RALGAPB: variants seen among roughly 807,000 people sequenced by gnomAD.
RALGAPB encodes the protein Ral GTPase activating protein non-catalytic subunit beta.
A neutral mutation model predicts 161.1 loss-of-function variants in RALGAPB; 25 were observed. The observed-to-expected ratio is 0.16, with a 90% CI of 0.11 to 0.22. The LOEUF (loss-of-function observed/expected upper bound fraction) is 0.22, where lower values mean the gene tolerates loss of function less well. Ranked by LOEUF, RALGAPB falls within the 10% of genes least tolerant of loss-of-function variation. RALGAPB has a pLI of 1.00. For missense variants in RALGAPB, 1,391 were observed against 1,815.2 expected, an observed-to-expected ratio of 0.77 and a Z score of 4.25; for synonymous variants, 629 against 626.1, an observed-to-expected ratio of 1.00 and a Z score of -0.07.
In RALGAPB at chr20:38,577,201, C is replaced by T. The variant is rs2088469236; in HGVS notation, c.*2234C>T. Reference sequence around the variant, plus strand: ...TTCCTTCTGCTCACAATAACATCTGCCCAAAGAGGGAGTGGGAAGAACGCT... The same window carrying T: ...TTCCTTCTGCTCACAATAACATCTGTCCAAAGAGGGAGTGGGAAGAACGCT... On this transcript the variant is annotated 3_prime_UTR_variant, in exon 30 of 30. Transcript: ENST00000262879. 1 of 152,176 alleles carries T rather than the reference C, an allele frequency of 6.6e-6. No homozygotes were observed. Among genetic ancestry groups the T allele is most frequent in the East Asian group, 1.9e-4 (1 of 5,196 alleles). The allele number at this position is 152,176 out of a possible 1,614,324, so 9.4% of individuals were successfully genotyped here. A position where few individuals can be genotyped will look rare whatever the true frequency, so the allele number is the denominator to read the frequency against.
chr20:38,481,441 C>T (rs2084968798), intron 1 of RALGAPB, among the ~76,000 whole-genome samples: 1 of 152,172 alleles, frequency 6.6e-6, no homozygotes. Context: ...AAGAGCAAGA[C>T]ACATCTTATG....
At chr20:38,565,138 A>G (rs2087946649) in intron 24 of RALGAPB, among the ~76,000 whole-genome samples, 1 of 152,152 alleles carries the variant, frequency 6.6e-6, no homozygotes, top group Non-Finnish European at 1.5e-5. Context: ...AAGTGGTCTG[A>G]TATACAGTCG....
At chr20:38,518,801 ATTGT>A (rs779839404) in intron 9 of RALGAPB, among the ~76,000 whole-genome samples, 29 of 152,250 alleles carry the variant, frequency 1.9e-4, no homozygotes, top group East Asian at 3.9e-4. Flanking sequence ...GAGTGTATTG[ATTGT>A]TTGGTAAGAA....
At position 38,551,282 on chromosome 20, in the gene RALGAPB, C is replaced by T. The variant is rs1601026564; in HGVS notation, c.3162+59C>T. 17 of 1,554,486 alleles carry T rather than the reference C, an allele frequency of 1.1e-5. No homozygotes were observed. In the East Asian group the frequency reaches 3.8e-4, roughly 35 times the overall value. On this transcript the variant is annotated intron_variant, in intron 21 of 29. Transcript: ENST00000262879. ...ATGAATAGAAACATTCTTACGACTT[C>T]CTTGGTCAAGACAATGCTTTTAGTG... is the stretch of plus-strand genomic sequence containing the variant.
At chr20:38,543,863 CT>C (rs2087061502) in intron 18 of RALGAPB, among the ~76,000 whole-genome samples, 1 of 152,176 alleles carries the variant, frequency 6.6e-6, no homozygotes, top group Non-Finnish European at 1.5e-5. Context: ...CTGTCTGACC[CT>C]GCTGCACGGC....
Position 38,567,223 on chromosome 20 carries a change from C to G in RALGAPB, c.3945C>G (p.Ser1315=). Residue 1315 remains serine, a synonymous_variant, in exon 26 of 30, where the codon TCC becomes TCG. Transcript: ENST00000262879. Reference sequence around the variant, plus strand: ...CCAATCATACAGACAATCTTAATTCCTCACAGAGGGTAAGTTACTTTGTTG... The same window carrying G: ...CCAATCATACAGACAATCTTAATTCGTCACAGAGGGTAAGTTACTTTGTTG... The part of the protein sequence containing the change: ...LFPNHTDNLN[S]SQRLSPSSRM... 1 of 1,612,898 alleles carries G rather than the reference C, an allele frequency of 6.2e-7. No homozygotes were observed.
intron 21 of RALGAPB, among the ~76,000 whole-genome samples, chr20:38,551,444 G>T (rs914030923): frequency 2.0e-5 from 3 of 152,148 alleles, no homozygotes; most frequent in South Asian, 4.2e-4. Context: ...CTGGCTGTTC[G>T]TGGTAGGTTT....
intron 14 of RALGAPB, 146 bp downstream of exon 14, chr20:38,531,377 A>T (rs1272227741): frequency 1.5e-6 from 1 of 687,650 alleles, no homozygotes; most frequent in Non-Finnish European, 2.4e-6. Context: ...TTTTAAAAAT[A>T]ATGTATATTT....
intron 23 of RALGAPB, among the ~76,000 whole-genome samples, chr20:38,559,686 T>G (rs887482251): frequency 8.6e-5 from 13 of 152,040 alleles, no homozygotes; most frequent in African/African-American, 3.1e-4. Flanking sequence ...GAAGTGAGAC[T>G]CCATCTCAAA....
chr20:38,497,336 C>T lies in RALGAPB; in HGVS notation c.390-17C>T, dbSNP rs1040465142. ...TCTCCTCCAGGCTTGTCAGTGATAT[C>T]TGTCTGTCTTCTTCAGACAGGAACA... On this transcript the variant is annotated splice_polypyrimidine_tract_variant and intron_variant, in intron 3 of 29. Transcript: ENST00000262879. 14 of 1,611,078 alleles carry T rather than the reference C, an allele frequency of 8.7e-6. No individual in the cohort carries two copies. Among genetic ancestry groups the T allele is most frequent in the Non-Finnish European group, 1.2e-5 (14 of 1,178,262 alleles).
In RALGAPB at chr20:38,575,148, A is replaced by C; in HGVS notation, c.*181A>C. ...TAGAAGACTTTGGGCTATCTAGTGA[A>C]ATGGGCTCCCAGACACAATCACACT... On this transcript the variant is annotated 3_prime_UTR_variant, in exon 30 of 30. Transcript: ENST00000262879. 1 of 586,888 alleles carries C rather than the reference A, an allele frequency of 1.7e-6. No individual in the cohort carries two copies. Among genetic ancestry groups the C allele is most frequent in the Non-Finnish European group, 3.0e-6 (1 of 334,870 alleles). 36.4% of individuals were successfully genotyped at this position (586,888 alleles called of 1,614,324 possible). A position where few individuals can be genotyped will look rare whatever the true frequency, so the allele number is the denominator to read the frequency against.
rs150225972 is a variant in RALGAPB at position 38,536,189 on chromosome 20, A to G, written c.2379+982A>G. ...ACCACCATTTCATCTCAATGGGTCT[A>G]CCTATACTGGACATTTCATATAAAT... On this transcript the variant is annotated intron_variant, in intron 16 of 29. Transcript: ENST00000262879. Among the ~76,000 whole-genome samples, 19 of 152,294 alleles carry G rather than the reference A, an allele frequency of 1.2e-4. No homozygotes were observed. The East Asian group carries it at 3.3e-3, about 26-fold the overall frequency.
chr20:38,546,385 A>G lies in RALGAPB; in HGVS notation c.2857A>G (p.Ser953Gly). ...TTTCCGGTACTTTGTCTTGGATAAC[A>G]GTGTCATCCTGGCAATGCTGGAACA... ...HSFRYFVLDN[S>G]VILAMLEQPL... is the part of the protein sequence containing the mutation. The change falls in exon 19 of 30, where the codon AGT becomes GGT. Residue 953 changes from serine to glycine, a missense_variant. Ser to Gly is a moderately conservative substitution (Grantham distance 56, BLOSUM62 0). This residue lies in a region of RALGAPB where 946 missense variants were observed against 1,257.2 expected (regional missense o/e 0.75). Transcript: ENST00000262879. 6.2e-7 allele frequency: 1 copy of G among 1,614,108 alleles called. No homozygotes were observed. The highest frequency in any genetic ancestry group is 8.5e-7 in the Non-Finnish European group (1 of 1,179,982).
chr20:38,490,352 G>A (rs897160117), intron 2 of RALGAPB, among the ~76,000 whole-genome samples: 1 of 152,096 alleles, frequency 6.6e-6, no homozygotes, highest in Non-Finnish European at 1.5e-5. Flanking sequence ...GGGACTACAG[G>A]CACCCACCAC....
At chr20:38,540,991 C>T in intron 17 of RALGAPB, 50 bp from the exon 18 acceptor site, 1 of 1,586,034 alleles carries the variant, frequency 6.3e-7, no homozygotes, top group Non-Finnish European at 8.6e-7. Context: ...TCCTTGTCTT[C>T]TCATGAGAAA....
chr20:38,558,465 G>C lies in RALGAPB; in HGVS notation c.3531+12G>C. 1 of 1,537,626 alleles carries C rather than the reference G, an allele frequency of 6.5e-7. No homozygotes were observed. The highest frequency in any genetic ancestry group is 1.2e-5 in the South Asian group (1 of 80,234). Reference sequence around the variant, plus strand: ...AAACGAACCAAGAGGTAAGAGTTACGAATTTTTTTTTTTTGGTATGTTTTT... The same window carrying C: ...AAACGAACCAAGAGGTAAGAGTTACCAATTTTTTTTTTTTGGTATGTTTTT... On this transcript the variant is annotated intron_variant, in intron 23 of 29. Coordinates refer to ENST00000262879, the MANE Select transcript of RALGAPB (RefSeq NM_020336.4).
chr20:38,571,000 A>G (rs1480122334), intron 28 of RALGAPB, among the ~76,000 whole-genome samples, 153 bp downstream of exon 28: 2 of 152,226 alleles, frequency 1.3e-5, no homozygotes, highest in South Asian at 2.1e-4. Context: ...ACAATGTACA[A>G]GGTTATCAAA....
chr20:38,559,999 A>C (rs1005866032), intron 23 of RALGAPB, among the ~76,000 whole-genome samples: 8 of 152,232 alleles, frequency 5.3e-5, no homozygotes, highest in Non-Finnish European at 7.3e-5. Flanking sequence ...CAGCTAATCA[A>C]ATTAGCATGC....
intron 6 of RALGAPB, among the ~76,000 whole-genome samples, chr20:38,512,235 G>A (rs374721253): frequency 1.3e-5 from 2 of 152,166 alleles, no homozygotes; most frequent in South Asian, 2.1e-4. Context: ...ATTTAAAAGA[G>A]CTCTGAATAT....
Sources: gnomAD v4.1 joint callset for allele counts (sites outside exome capture counted in the v4.1 genomes callset) on GRCh38, gnomAD v4.1.1 for gene constraint, gnomAD v4.1.1 regional missense constraint, MANE v1.5 for transcripts, NCBI Gene and HGNC (gene_info 2026-07-23, HGNC 2026-07-21) for gene names.